The following TYW1B variants were observed in gnomAD, a reference collection of about 807,000 sequenced individuals.
TYW1B encodes tRNA-yW synthesizing protein 1 homolog B, also known as S-adenosyl-L-methionine-dependent tRNA 4-demethylwyosine synthase TYW1B.
A neutral mutation model predicts 86.9 loss-of-function variants in TYW1B; 73 were observed. The observed-to-expected ratio is 0.84, with a 90% CI of 0.70 to 1.02. TYW1B has a LOEUF of 1.02. TYW1B is among the 50% of genes least tolerant of loss of function. The probability of loss-of-function intolerance (pLI) is 0.00; values close to 1 mark genes in which losing one functional copy is unlikely to be tolerated. For missense variants in TYW1B, 637 were observed against 827.4 expected (o/e 0.77, Z 2.82); for synonymous variants, 248 against 292.8 (o/e 0.85, Z 1.56).
chr7:72,605,135 G>A (rs2129568142), intron 13 of TYW1B, among the ~76,000 whole-genome samples: 1 of 152,160 alleles, frequency 6.6e-6, no homozygotes, highest in East Asian at 1.9e-4. Context: ...ATTTGCATGT[G>A]GCATAGAATA....
intron 9 of TYW1B, among the ~76,000 whole-genome samples, chr7:72,725,325 C>T (rs1786978368): frequency 6.6e-6 from 1 of 152,164 alleles, no homozygotes; most frequent in African/African-American, 2.4e-5. Context: ...CTGATTCCTC[C>T]TCACACAAAC....
chr7:72,579,013 G>C (rs1214219651), intron 13 of TYW1B, among the ~76,000 whole-genome samples: 6 of 151,948 alleles, frequency 3.9e-5, no homozygotes, highest in Non-Finnish European at 8.8e-5. Flanking sequence ...TGTTCTAAGA[G>C]AGAGTAAAGG....
At chr7:72,694,206 G>A (rs1480027091) in intron 11 of TYW1B, among the ~76,000 whole-genome samples, 5 of 152,024 alleles carry the variant, frequency 3.3e-5, no homozygotes, top group South Asian at 4.2e-4. Context: ...CAAGTGATCC[G>A]CCTGCCTCAC....
At chr7:72,655,818 G>A (rs1284930098) in intron 11 of TYW1B, among the ~76,000 whole-genome samples, 1 of 152,112 alleles carries the variant, frequency 6.6e-6, no homozygotes, top group Non-Finnish European at 1.5e-5. Context: ...TGCACACACT[G>A]TCCAGGAGCC....
At chr7:72,635,387 G>A (rs1272373668) in intron 11 of TYW1B, among the ~76,000 whole-genome samples, 4 of 152,070 alleles carry the variant, frequency 2.6e-5, no homozygotes, top group Admixed American at 6.6e-5. Flanking sequence ...ATTCTGCACC[G>A]CAGGGGACAA....
intron 13 of TYW1B, among the ~76,000 whole-genome samples, chr7:72,609,819 A>C (rs1352628729): frequency 2.0e-5 from 3 of 152,160 alleles, no homozygotes; most frequent in Non-Finnish European, 4.4e-5. Context: ...GCATACTCCG[A>C]GATCAACAAC....
chr7:72,599,977 C>A (rs1811623276), intron 13 of TYW1B, among the ~76,000 whole-genome samples: 1 of 152,000 alleles, frequency 6.6e-6, no homozygotes, highest in African/African-American at 2.4e-5. Context: ...CAGGGCAATC[C>A]CAATCAAAAT....
intron 13 of TYW1B, among the ~76,000 whole-genome samples, chr7:72,615,893 A>C (rs1372120847): frequency 1.3e-5 from 2 of 152,160 alleles, no homozygotes; most frequent in Non-Finnish European, 2.9e-5. Flanking sequence ...AAACTACCCA[A>C]AATGAAATAT....
At chr7:72,679,881 G>C (rs1310467789) in intron 11 of TYW1B, among the ~76,000 whole-genome samples, 4 of 152,206 alleles carry the variant, frequency 2.6e-5, no homozygotes, top group African/African-American at 9.6e-5. Context: ...TGTAATCCCA[G>C]CACTTTGGGA....
chr7:72,597,565 G>A (rs1811566323), intron 13 of TYW1B, among the ~76,000 whole-genome samples: 1 of 151,848 alleles, frequency 6.6e-6, no homozygotes, highest in Non-Finnish European at 1.5e-5. Context: ...CCTCGTCTAT[G>A]GCGGTACCAC....
rs1342354253 is a variant in TYW1B, at chr7:72,628,896, G to C, written c.1608C>G (p.Ile536Met). 4 of 1,587,290 alleles carry C rather than the reference G, an allele frequency of 2.5e-6. No individual in the cohort carries two copies. Among genetic ancestry groups the C allele is most frequent in the East Asian group, 2.3e-5 (1 of 42,848 alleles). The part of the protein sequence containing the change: ...QLVSLGNPDF[I>M]EVKGVTYCRE... Reference sequence around the variant, plus strand: ...GTCAGCAGGGGCTTACCTTCACTTCGATGAAGTCAGGATTCCCCAGGGACA... The same window carrying C: ...GTCAGCAGGGGCTTACCTTCACTTCCATGAAGTCAGGATTCCCCAGGGACA... Residue 536 changes from isoleucine (I) to methionine (M), a missense_variant, in exon 12 of 14, where the codon ATC (isoleucine) becomes ATG (methionine). Coordinates refer to ENST00000620995, the MANE Select transcript of TYW1B (RefSeq NM_001145440.3).
rs550495233 is a variant in TYW1B at position 72,683,789 on chromosome 7, C to T, written c.1506+10898G>A. Among the ~76,000 whole-genome samples the T allele has an allele frequency of 4.6e-5, 7 of 152,252 alleles. No homozygotes were observed. The East Asian group carries it at 7.7e-4, about 17-fold the overall frequency. On this transcript the variant is annotated intron_variant, in intron 11 of 13. Transcript: ENST00000620995. ...CAAGCATCCAAACCAGGCTCTGACACGGCAGGGATGTTGGGATAACCCGAC... is the reference window on the plus strand; with the variant it reads ...CAAGCATCCAAACCAGGCTCTGACATGGCAGGGATGTTGGGATAACCCGAC...
At chr7:72,814,788 G>A (rs1404451842) in intron 3 of TYW1B, among the ~76,000 whole-genome samples, 1 of 151,506 alleles carries the variant, frequency 6.6e-6, no homozygotes, top group East Asian at 1.9e-4. Flanking sequence ...GTAGGGGTCA[G>A]GCACAGTCGC....
chr7:72,802,756 G>C (rs1216334968), intron 5 of TYW1B, among the ~76,000 whole-genome samples: 1 of 152,028 alleles, frequency 6.6e-6, no homozygotes, highest in African/African-American at 2.4e-5. Context: ...AAGTAGCTAG[G>C]ATCACAGGCG....
At chr7:72,827,633 G>A (rs1403516597) in intron 1 of TYW1B, among the ~76,000 whole-genome samples, 1 of 152,092 alleles carries the variant, frequency 6.6e-6, no homozygotes, top group Non-Finnish European at 1.5e-5. Context: ...AAAAGCTTAA[G>A]TAGTAAAAGT....
intron 11 of TYW1B, among the ~76,000 whole-genome samples, chr7:72,660,107 C>T (rs1455763284): frequency 2.0e-5 from 3 of 152,130 alleles, no homozygotes; most frequent in South Asian, 4.1e-4. Flanking sequence ...TGGCAGCTCA[C>T]ACCTACAATC....
intron 2 of TYW1B, among the ~76,000 whole-genome samples, chr7:72,826,492 TC>T (rs1554481437): frequency 6.6e-6 from 1 of 152,178 alleles, no homozygotes; most frequent in African/African-American, 2.4e-5. Context: ...CATACTTTTA[TC>T]CTATAAGGTA....
chr7:72,622,500 A>G lies in TYW1B; in HGVS notation c.1618-5661T>C, dbSNP rs188731500. ...TCAAGGAGGATGAATAACCTGTCCT[A>G]GGCTACATTGGCACATTTTACGTAG... On this transcript the variant is annotated intron_variant, in intron 12 of 13. Coordinates refer to ENST00000620995, the MANE Select transcript of TYW1B (RefSeq NM_001145440.3). Among the ~76,000 whole-genome samples the G allele has an allele frequency of 6.9e-4, 105 of 152,302 alleles. 1 individual carries two copies. Among genetic ancestry groups the G allele is most frequent in the Admixed American group, 5.3e-3 (81 of 15,288 alleles).
rs565541864 is a variant in TYW1B, at chr7:72,632,388, GTATA to G, written c.1507-3395_1507-3392del. ...ATACGCATATATATTATATATATAC[GTATA>G]TATATATAATATATATATACATATA... On this transcript the variant is annotated intron_variant, in intron 11 of 13. Transcript: ENST00000620995. Among the ~76,000 whole-genome samples, 38 of 70,326 alleles carry G rather than the reference GTATA, an allele frequency of 5.4e-4. 2 individuals are homozygous for G. The highest frequency in any genetic ancestry group is 6.5e-4 in the Non-Finnish European group (27 of 41,836). 46.1% of individuals were successfully genotyped at this position (70,326 alleles called of 152,430 possible).
Sources: allele counts gnomAD v4.1 joint callset (sites outside exome capture counted in the v4.1 genomes callset), GRCh38; gene constraint gnomAD v4.1.1; transcripts MANE v1.5; gene names NCBI Gene and HGNC (gene_info 2026-07-23, HGNC 2026-07-21).